IFT74: variants seen among roughly 807,000 people sequenced by gnomAD.
IFT74 encodes intraflagellar transport protein 74 homolog.
Under a neutral mutation model 96.7 loss-of-function variants are expected in IFT74, and 92 were observed. That is an observed-to-expected ratio of 0.95 (90% CI 0.80 to 1.13). The LOEUF (loss-of-function observed/expected upper bound fraction) is 1.13, where lower values mean the gene tolerates loss of function less well. Among genes scored for constraint, IFT74 ranks in the 50% most tolerant of loss-of-function variants. IFT74 has a pLI of 0.00. For synonymous variants in IFT74, 223 were observed against 213.2 expected (o/e 1.05, Z -0.40); for missense variants, 811 against 698.2 (o/e 1.16, Z -1.82).
chr9:27,051,343 A>G (rs1269928209), intron 16 of IFT74, among the ~76,000 whole-genome samples: 1 of 151,856 alleles, frequency 6.6e-6, no homozygotes, highest in Non-Finnish European at 1.5e-5. Flanking sequence ...TTTTTTTTGT[A>G]TGTCTATATG....
chr9:27,036,381 G>A, intron 13 of IFT74: 2 of 1,564,416 alleles, frequency 1.3e-6, no homozygotes, highest in Non-Finnish European at 1.7e-6. Flanking sequence ...AAGCTTATAT[G>A]TACTCTTTTT....
chr9:26,982,429 A>G (rs1051162157), intron 4 of IFT74: 14 of 393,658 alleles, frequency 3.6e-5, no homozygotes, highest in Middle Eastern at 8.3e-4. Flanking sequence ...GGTGCCTGCC[A>G]CCACACTTGG....
chr9:26,982,123 T>A (rs1286594782), intron 4 of IFT74, among the ~76,000 whole-genome samples: 1 of 152,154 alleles, frequency 6.6e-6, no homozygotes, highest in Non-Finnish European at 1.5e-5. Flanking sequence ...GTTACTCATA[T>A]CATTAAAATG....
At chr9:26,967,093 T>G (rs1246118519) in intron 2 of IFT74, among the ~76,000 whole-genome samples, 4 of 151,956 alleles carry the variant, frequency 2.6e-5, no homozygotes, top group Non-Finnish European at 5.9e-5. Context: ...TCTTTTATGG[T>G]TCTATATAAA....
intron 1 of IFT74, among the ~76,000 whole-genome samples, chr9:26,950,194 C>T (rs1825887023): frequency 6.6e-6 from 1 of 152,060 alleles, no homozygotes; most frequent in South Asian, 2.1e-4. Flanking sequence ...CGCCTGTAGT[C>T]CCAGCTACTC....
intron 8 of IFT74, among the ~76,000 whole-genome samples, chr9:27,000,082 T>G (rs1828395917): frequency 6.6e-6 from 1 of 152,182 alleles, no homozygotes; most frequent in African/African-American, 2.4e-5. Context: ...CCCTGGCCTT[T>G]CAAATCTACT....
chr9:27,024,328 T>C (rs993084670), intron 12 of IFT74, among the ~76,000 whole-genome samples: 1 of 152,096 alleles, frequency 6.6e-6, no homozygotes, highest in South Asian at 2.1e-4. Context: ...TAAAGACAGA[T>C]CACTTCGCAG....
In IFT74 at chr9:27,044,288, C is replaced by T. The variant is rs185322541; in HGVS notation, c.1055-454C>T. ...CTGTAACCCTAACCTAGATTAGTTGCCCTTGCTGTGTGCTCCTATAGCATC... is the reference window on the plus strand; with the variant it reads ...CTGTAACCCTAACCTAGATTAGTTGTCCTTGCTGTGTGCTCCTATAGCATC... On this transcript the variant is annotated intron_variant, in intron 13 of 19. Transcript: ENST00000380062. Among the ~76,000 whole-genome samples the T allele has an allele frequency of 2.1e-4, 32 of 152,280 alleles. No homozygotes were observed. The East Asian group carries it at 6.0e-3, about 28-fold the overall frequency.
At position 27,020,528 on chromosome 9, in the gene IFT74, G is replaced by A. The variant is rs1829550895; in HGVS notation, c.974+1841G>A. 2.0e-5 allele frequency among the ~76,000 whole-genome samples: 3 copies of A among 147,324 alleles called. No individual in the cohort carries two copies. In the South Asian group the frequency reaches 6.4e-4, roughly 32 times the overall value. On this transcript the variant is annotated intron_variant, in intron 12 of 19. Coordinates refer to ENST00000380062, the MANE Select transcript of IFT74 (RefSeq NM_025103.4). ...CTCCCTCTGTTGCCCAGGCTGGGGT[G>A]CAGCAGCCCAATCTCGGCTCACTGC...
chr9:26,970,008 A>T lies in IFT74; in HGVS notation c.120+7921A>T, dbSNP rs866135785. 6.6e-4 allele frequency among the ~76,000 whole-genome samples: 100 copies of T among 150,896 alleles called. 1 individual carries two copies. The highest frequency in any genetic ancestry group is 2.3e-3 in the African/African-American group (96 of 41,102). On this transcript the variant is annotated intron_variant, in intron 2 of 19. Coordinates refer to ENST00000380062, the MANE Select transcript of IFT74 (RefSeq NM_025103.4). Reference sequence around the variant, plus strand: ...CTTAGCACTTCGAAAATGACTTCCTATTCTCTTTTTTATTTGTTGTTGTTT... The same window carrying T: ...CTTAGCACTTCGAAAATGACTTCCTTTTCTCTTTTTTATTTGTTGTTGTTT...
chr9:26,951,531 G>C (rs894000995), upstream of IFT74, among the ~76,000 whole-genome samples: 1 of 152,208 alleles, frequency 6.6e-6, no homozygotes, highest in African/African-American at 2.4e-5. Context: ...AGAAAATTGA[G>C]GCTACAAATA....
intron 2 of IFT74, among the ~76,000 whole-genome samples, chr9:26,962,553 T>G (rs1826412175): frequency 6.6e-6 from 1 of 152,238 alleles, no homozygotes; most frequent in Non-Finnish European, 1.5e-5. Flanking sequence ...TTCAAATTAG[T>G]TGGCAAAACA....
intron 8 of IFT74, chr9:26,999,764 T>TTTA: frequency 6.3e-6 from 7 of 1,112,924 alleles, no homozygotes; most frequent in Non-Finnish European, 7.5e-6. Flanking sequence ...TTTGAATCTG[T>TTTA]TTATTCTTTT....
At chr9:26,970,886 G>C (rs954556456) in intron 2 of IFT74, among the ~76,000 whole-genome samples, 1 of 152,168 alleles carries the variant, frequency 6.6e-6, no homozygotes, top group African/African-American at 2.4e-5. Flanking sequence ...GGGTAACCGG[G>C]TTTCTAGGAC....
At chr9:27,042,956 A>G (rs1819541391) in intron 13 of IFT74, among the ~76,000 whole-genome samples, 1 of 152,202 alleles carries the variant, frequency 6.6e-6, no homozygotes, top group South Asian at 2.1e-4. Flanking sequence ...AAATGTGTGT[A>G]TATATATAAA....
At chr9:26,976,774 C>T (rs1472084697) in intron 2 of IFT74, 3 of 455,922 alleles carry the variant, frequency 6.6e-6, no homozygotes, top group African/African-American at 2.0e-5. Context: ...TTTATATCTT[C>T]TCATGCCTGT....
In IFT74 at chr9:26,948,448, A is replaced by ATTATTATTTTTTTTT. The variant is rs1825819541; in HGVS notation, c.-20+1304_-20+1305insATTATTTTTTTTTTT. On this transcript the variant is annotated intron_variant, in intron 1 of 19. Coordinates refer to the IFT74 transcript ENST00000433700. ...TGACAACCTGTGATGGCTTTCCATT[A>ATTATTATTTTTTTTT]TTTTTTTTTTTTTTTTTTTTTTTTT... 4.7e-4 allele frequency among the ~76,000 whole-genome samples: 28 copies of ATTATTATTTTTTTTT among 59,166 alleles called. 1 individual carries two copies. The highest frequency in any genetic ancestry group is 9.6e-4 in the Non-Finnish European group (25 of 26,084). The allele number at this position is 59,166 out of a possible 152,430, so 38.8% of individuals were successfully genotyped here.
chr9:26,976,298 A>G lies in IFT74; in HGVS notation c.121-1830A>G, dbSNP rs142984105. On this transcript the variant is annotated intron_variant, in intron 2 of 19. Coordinates refer to ENST00000380062, the MANE Select transcript of IFT74 (RefSeq NM_025103.4). ...TGTTAGAAAGAAAGCTTGAAGTCGT[A>G]AAGAAAGACGAGTACTCAAACAAAG... Among the ~76,000 whole-genome samples the G allele has an allele frequency of 2.7e-3, 418 of 152,318 alleles. 1 individual carries two copies. The highest frequency in any genetic ancestry group is 7.9e-3 in the African/African-American group (329 of 41,560).
chr9:27,036,503 A>C, intron 13 of IFT74: 1 of 1,613,846 alleles, frequency 6.2e-7, no homozygotes, highest in Admixed American at 1.7e-5. Flanking sequence ...AAGTTTCAAA[A>C]AGCAAGTTTG....
Sources: gnomAD v4.1 joint callset for allele counts (sites outside exome capture counted in the v4.1 genomes callset) on GRCh38, gnomAD v4.1.1 for gene constraint, MANE v1.5 for transcripts, NCBI Gene and HGNC (gene_info 2026-07-23, HGNC 2026-07-21) for gene names.